Variants in CNBD2 observed in about 807,000 individuals in gnomAD.
CNBD2 encodes the protein cyclic nucleotide binding domain containing 2.
Under a neutral mutation model 63.7 loss-of-function variants are expected in CNBD2, and 64 were observed. The ratio of observed to expected loss-of-function variants is 1.00; its 90% CI spans 0.82 to 1.24. The LOEUF (loss-of-function observed/expected upper bound fraction) is 1.24. Ranked by LOEUF, CNBD2 falls within the 50% of genes most tolerant of loss-of-function variation. The pLI, the probability that CNBD2 is intolerant of heterozygous loss-of-function variation, is 0.00. For synonymous variants in CNBD2, 229 were observed against 255.4 expected, an observed-to-expected ratio of 0.90 and a Z score of 0.99; for missense variants, 691 against 713.5, an observed-to-expected ratio of 0.97 and a Z score of 0.36.
intron 10 of CNBD2, among the ~76,000 whole-genome samples, chr20:36,017,287 GTGGTT>G (rs1377761324): frequency 6.6e-6 from 1 of 152,114 alleles, no homozygotes; most frequent in Non-Finnish European, 1.5e-5. Context: ...AGCCTCATGT[GTGGTT>G]ATTCAGCATC....
intron 2 of CNBD2, chr20:35,974,854 C>G (rs1351918325): frequency 1.3e-5 from 2 of 152,250 alleles, no homozygotes; most frequent in Non-Finnish European, 2.9e-5. Context: ...TTCACCATCT[C>G]AGTCCTACAT....
rs111477946 is a variant in CNBD2 at position 35,982,727 on chromosome 20, A to AT, written c.408-1242dup. Among the ~76,000 whole-genome samples, 550 of 145,876 alleles carry AT rather than the reference A, an allele frequency of 3.8e-3. 1 individual carries two copies. Among genetic ancestry groups the AT allele is most frequent in the African/African-American group, 6.1e-3 (246 of 40,154 alleles). ...AAGTCTGTGTTGTTCATTGTGCCCA[A>AT]TTTTTTTTTTTTTGAGACAGAGTCA... On this transcript the variant is annotated intron_variant, in intron 4 of 11. Transcript: ENST00000373973.
intron 11 of CNBD2, among the ~76,000 whole-genome samples, chr20:36,026,201 T>C (rs1439329440): frequency 1.3e-5 from 2 of 152,038 alleles, no homozygotes; most frequent in African/African-American, 2.4e-5. Context: ...GCCTGGCTAA[T>C]TTTTTTGTAT....
intron 2 of CNBD2, among the ~76,000 whole-genome samples, chr20:35,961,899 C>T (rs188483192): frequency 2.6e-5 from 4 of 152,198 alleles, no homozygotes; most frequent in Admixed American, 2.6e-4. Context: ...CCCCACTCCC[C>T]TACTTCTCCT....
chr20:36,006,992 A>G (rs1310191743), intron 8 of CNBD2, among the ~76,000 whole-genome samples: 1 of 152,096 alleles, frequency 6.6e-6, no homozygotes, highest in Admixed American at 6.6e-5. Flanking sequence ...GATTGAGACA[A>G]TCCTGACTAA....
intron 7 of CNBD2, among the ~76,000 whole-genome samples, chr20:35,993,937 T>C (rs2056784036): frequency 6.7e-6 from 1 of 148,460 alleles, no homozygotes; most frequent in Non-Finnish European, 1.5e-5. Context: ...TGCAATGGCA[T>C]GATCTTGGCT....
intron 7 of CNBD2, among the ~76,000 whole-genome samples, chr20:35,994,550 A>G (rs759778311): frequency 4.7e-5 from 7 of 148,768 alleles, no homozygotes; most frequent in Non-Finnish European, 1.0e-4. Context: ...TGAACTTCGT[A>G]TGGTGAGTAA....
At position 35,989,517 on chromosome 20, in the gene CNBD2, T is replaced by A. The variant is rs189942401; in HGVS notation, c.855+1984T>A. 1.7e-3 allele frequency among the ~76,000 whole-genome samples: 256 copies of A among 152,288 alleles called. 4 individuals are homozygous for A. The highest frequency in any genetic ancestry group is 5.8e-3 in the African/African-American group (241 of 41,560). ...AAAGGCTGGAGGCTTTAAGAAGGGCTTCCTGGAGGAGGTGAGGTGGGAGAT... is the reference window on the plus strand; with the variant it reads ...AAAGGCTGGAGGCTTTAAGAAGGGCATCCTGGAGGAGGTGAGGTGGGAGAT... On this transcript the variant is annotated intron_variant, in intron 7 of 11. Coordinates refer to ENST00000373973, the MANE Select transcript of CNBD2 (RefSeq NM_001365709.1).
chr20:35,966,271 C>A (rs1298704208), upstream of CNBD2, among the ~76,000 whole-genome samples: 1 of 152,140 alleles, frequency 6.6e-6, no homozygotes, highest in Non-Finnish European at 1.5e-5. Flanking sequence ...GGGGGAAAAA[C>A]CAGTTTTGTC....
At chr20:36,015,066 T>C (rs922422419) in intron 10 of CNBD2, among the ~76,000 whole-genome samples, 1 of 152,248 alleles carries the variant, frequency 6.6e-6, no homozygotes, top group Non-Finnish European at 1.5e-5. Flanking sequence ...TTAACAGGTA[T>C]GACTCAACAT....
chr20:35,972,788 G>C, intron 2 of CNBD2, 22 bp downstream of exon 2: 1 of 1,612,906 alleles, frequency 6.2e-7, no homozygotes, highest in Non-Finnish European at 8.5e-7. Flanking sequence ...GGCTCAGCAG[G>C]ATTATGAGGG....
chr20:36,015,770 A>C (rs1436507647), intron 10 of CNBD2, among the ~76,000 whole-genome samples: 2 of 152,390 alleles, frequency 1.3e-5, no homozygotes, highest in East Asian at 3.9e-4. Flanking sequence ...GCATATTGAT[A>C]TAAATGAATT....
chr20:36,012,801 A>G (rs531999516), intron 10 of CNBD2, among the ~76,000 whole-genome samples: 13 of 150,342 alleles, frequency 8.6e-5, no homozygotes, highest in African/African-American at 3.0e-4. Context: ...CAGCCTGGGC[A>G]ACAAGAGTGA....
chr20:35,975,546 C>T (rs1197145481), intron 2 of CNBD2, among the ~76,000 whole-genome samples: 92 of 151,272 alleles, frequency 6.1e-4, no homozygotes, highest in African/African-American at 2.1e-3. Context: ...GTGATCCGCC[C>T]ACCTTGGCCT....
At chr20:35,969,108 G>T (rs1213267103) in intron 1 of CNBD2, among the ~76,000 whole-genome samples, 20 of 152,162 alleles carry the variant, frequency 1.3e-4, no homozygotes, top group Admixed American at 1.3e-3. Context: ...TAGCAACATT[G>T]AGTCATAGGT....
At chr20:35,994,575 T>A (rs866361706) in intron 7 of CNBD2, among the ~76,000 whole-genome samples, 28 of 131,144 alleles carry the variant, frequency 2.1e-4, no homozygotes, top group African/African-American at 5.9e-4. Context: ...CATTTTCATT[T>A]AAAAAAAAAA....
In CNBD2 at chr20:36,015,760, G is replaced by T. The variant is rs530086336; in HGVS notation, c.1269+4503G>T. Among the ~76,000 whole-genome samples, 42 of 152,256 alleles carry T rather than the reference G, an allele frequency of 2.8e-4. 1 individual carries two copies. In the South Asian group the frequency reaches 8.1e-3, roughly 29 times the overall value. ...AAGTACAAAATAAACATTCATGAGT[G>T]CATATTGATATAAATGAATTAATAA... On this transcript the variant is annotated intron_variant, in intron 10 of 11. Transcript: ENST00000373973.
At chr20:35,991,553 C>T (rs1009766650) in intron 7 of CNBD2, among the ~76,000 whole-genome samples, 17 of 152,138 alleles carry the variant, frequency 1.1e-4, no homozygotes, top group African/African-American at 4.1e-4. Context: ...CATATCTCTC[C>T]AAATTTAACT....
intron 10 of CNBD2, among the ~76,000 whole-genome samples, chr20:36,021,905 C>T (rs988907639): frequency 4.0e-5 from 6 of 150,964 alleles, no homozygotes; most frequent in Admixed American, 2.0e-4. Flanking sequence ...CTGTGGCCAC[C>T]GAAGTCTGTG....
Sources: gnomAD v4.1 joint callset for allele counts (sites outside exome capture counted in the v4.1 genomes callset) on GRCh38, gnomAD v4.1.1 for gene constraint, MANE v1.5 for transcripts, NCBI Gene and HGNC (gene_info 2026-07-23, HGNC 2026-07-21) for gene names.